Variants in LRRC75A observed in about 807,000 individuals in gnomAD.
The protein encoded by LRRC75A is leucine-rich repeat-containing protein 75A.
In LRRC75A, 12 loss-of-function variants were observed where a neutral mutation model predicts 26.0. That is an observed-to-expected ratio of 0.46 (90% CI 0.30 to 0.75). The LOEUF (loss-of-function observed/expected upper bound fraction) is 0.75. LRRC75A is among the 30% of genes least tolerant of loss of function. The pLI is 0.08. For missense variants in LRRC75A, 410 were observed against 486.6 expected (o/e 0.84, Z 1.48); for synonymous variants, 223 against 219.3 (o/e 1.02, Z -0.15).
chr17:16,453,219 G>A lies in LRRC75A; in HGVS notation c.376-5259C>T, dbSNP rs377558797. Among the ~76,000 whole-genome samples, 34 of 152,220 alleles carry A rather than the reference G, an allele frequency of 2.2e-4. 1 individual carries two copies. The East Asian group carries it at 6.2e-3, about 28-fold the overall frequency. On this transcript the variant is annotated intron_variant, in intron 2 of 3. Transcript: ENST00000470794. ...CAGGAGAATCGCTTGAACCCGGGAG[G>A]TGGAGGTTGCAGTGAGCCGAGATCG...
At chr17:16,483,667 A>G (rs1410083035) in intron 1 of LRRC75A, among the ~76,000 whole-genome samples, 1 of 152,190 alleles carries the variant, frequency 6.6e-6, no homozygotes, top group Non-Finnish European at 1.5e-5. Flanking sequence ...AAAGAAGGGA[A>G]AGGGCTGGGC....
chr17:16,475,851 G>A lies in LRRC75A; in HGVS notation c.247-13465C>T, dbSNP rs549116667. Among the ~76,000 whole-genome samples the A allele has an allele frequency of 3.1e-4, 47 of 152,100 alleles. 1 individual carries two copies. Among genetic ancestry groups the A allele is most frequent in the Admixed American group, 1.3e-3 (20 of 15,276 alleles). On this transcript the variant is annotated intron_variant, in intron 1 of 3. Transcript: ENST00000470794. ...CACCTGAGGTCCAGAGTTTGAGACC[G>A]GCCTGGTCAACATGGTGAAACTCCC... is the stretch of plus-strand genomic sequence containing the variant.
rs1271072993 is a variant in LRRC75A, at chr17:16,442,493, CAGT to C, written c.*1092_*1094del. ...GATCCCTTAACTGGTAGGGCCCTTT[CAGT>C]AGGACAGTATTTGGGTAAGGGGAGG... On this transcript the variant is annotated 3_prime_UTR_variant, in exon 4 of 4. Coordinates refer to ENST00000470794, the MANE Select transcript of LRRC75A (RefSeq NM_001113567.3). 1.3e-5 allele frequency: 2 copies of C among 152,226 alleles called. No homozygotes were observed. Among genetic ancestry groups the C allele is most frequent in the African/African-American group, 4.8e-5 (2 of 41,446 alleles). 9.4% of individuals were successfully genotyped at this position (152,226 alleles called of 1,614,324 possible).
chr17:16,489,981 G>T (rs923364516), intron 1 of LRRC75A, among the ~76,000 whole-genome samples: 9 of 152,188 alleles, frequency 5.9e-5, no homozygotes, highest in African/African-American at 2.2e-4. Flanking sequence ...CCACAGTGGG[G>T]CTGCAGGGGC....
In LRRC75A at chr17:16,462,302, C is replaced by G. The variant is rs749348067; in HGVS notation, c.331G>C (p.Asp111His). Residue 111 changes from aspartate (D) to histidine (H), a missense_variant, in exon 2 of 4, where the codon GAC (aspartate) becomes CAC (histidine). Transcript: ENST00000470794. The surrounding 1 kb of genome is among the most constrained non-coding windows in gnomAD (Gnocchi z 4.6). ...FRNLVDPITHDLIISLARYIH... is the reference protein window; with the variant it reads ...FRNLVDPITHHLIISLARYIH... ...TAGCGTGCCAGGCTGATGATGAGGT[C>G]GTGTGTGATGGGGTCCACCAGGTTC... 1 of 1,613,970 alleles carries G rather than the reference C, an allele frequency of 6.2e-7. No homozygotes were observed. Among genetic ancestry groups the G allele is most frequent in the Admixed American group, 1.7e-5 (1 of 60,004 alleles).
intron 2 of LRRC75A, among the ~76,000 whole-genome samples, chr17:16,455,607 C>T (rs1279293875): frequency 1.3e-5 from 2 of 152,118 alleles, no homozygotes; most frequent in Non-Finnish European, 2.9e-5. Context: ...GGTCTCAAAT[C>T]CTGACCTCAA....
intron 3 of LRRC75A, among the ~76,000 whole-genome samples, chr17:16,446,454 T>C (rs1420539458): frequency 6.6e-6 from 1 of 151,768 alleles, no homozygotes; most frequent in Non-Finnish European, 1.5e-5. Context: ...AAGAGTTTGG[T>C]GAAAGTTCCA....
chr17:16,486,613 C>T lies in LRRC75A; in HGVS notation c.246+5132G>A, dbSNP rs1480203259. Among the ~76,000 whole-genome samples, 5 of 152,326 alleles carry T rather than the reference C, an allele frequency of 3.3e-5. No individual in the cohort carries two copies. In the East Asian group the frequency reaches 9.7e-4, roughly 29 times the overall value. ...TCAGGAATGTGGAGGCCAGACTCTC[C>T]CATCAGGCTCCGCTCCCCTCCCGCC... On this transcript the variant is annotated intron_variant, in intron 1 of 3. Transcript: ENST00000470794.
At chr17:16,448,007 C>A (rs1415043029) in intron 2 of LRRC75A, 47 bp from the exon 3 acceptor site, 1 of 1,468,056 alleles carries the variant, frequency 6.8e-7, no homozygotes, top group Non-Finnish European at 9.3e-7. Context: ...GCTGGGTGCA[C>A]CAGTCTCAGC....
chr17:16,465,828 GGTT>G (rs1206471088), intron 1 of LRRC75A, among the ~76,000 whole-genome samples: 1 of 152,208 alleles, frequency 6.6e-6, no homozygotes, highest in African/African-American at 2.4e-5. Flanking sequence ...GGGTTCATGT[GGTT>G]GTTGCTTAGG....
intron 2 of LRRC75A, among the ~76,000 whole-genome samples, chr17:16,457,769 C>T (rs372225047): frequency 6.6e-6 from 1 of 151,446 alleles, no homozygotes; most frequent in African/African-American, 2.4e-5. Context: ...AGTTTGAGAC[C>T]AGCCTTGGCA....
intron 1 of LRRC75A, among the ~76,000 whole-genome samples, chr17:16,483,005 G>A (rs915813538): frequency 6.6e-6 from 1 of 152,190 alleles, no homozygotes; most frequent in Non-Finnish European, 1.5e-5. Context: ...CCATCCAGAC[G>A]AGCATGGAGA....
chr17:16,485,367 G>T (rs903394654), intron 1 of LRRC75A, among the ~76,000 whole-genome samples: 2 of 152,174 alleles, frequency 1.3e-5, no homozygotes, highest in Non-Finnish European at 2.9e-5. Flanking sequence ...TCATGAATGG[G>T]ATTGGTGCCC....
rs114736622 is a variant in LRRC75A at position 16,489,021 on chromosome 17, C to G, written c.246+2724G>C. Among the ~76,000 whole-genome samples the G allele has an allele frequency of 1.9e-3, 295 of 152,272 alleles. 1 individual carries two copies. Among genetic ancestry groups the G allele is most frequent in the African/African-American group, 6.9e-3 (288 of 41,548 alleles). On this transcript the variant is annotated intron_variant, in intron 1 of 3. Coordinates refer to ENST00000470794, the MANE Select transcript of LRRC75A (RefSeq NM_001113567.3). ...GGAGCAGAGATTCTGAGCTTGGAGTCTGTAGCTGGGTTTCAGGGGCTTTGT... is the reference window on the plus strand; with the variant it reads ...GGAGCAGAGATTCTGAGCTTGGAGTGTGTAGCTGGGTTTCAGGGGCTTTGT...
At chr17:16,450,047 G>T (rs992424204) in intron 2 of LRRC75A, among the ~76,000 whole-genome samples, 1 of 152,208 alleles carries the variant, frequency 6.6e-6, no homozygotes. Context: ...GTGTGTTACT[G>T]ACATGAGGGC....
At chr17:16,485,631 AGTGTGTGT>A (rs35125617) in intron 1 of LRRC75A, among the ~76,000 whole-genome samples, 35 of 128,488 alleles carry the variant, frequency 2.7e-4, no homozygotes, top group South Asian at 7.8e-4. Context: ...CAGGACAAGC[AGTGTGTGT>A]GTGTGTGTGT....
chr17:16,477,332 CAGAGGCAAGGCCAAGG>C (rs758273729), intron 1 of LRRC75A, among the ~76,000 whole-genome samples: 11 of 152,244 alleles, frequency 7.2e-5, no homozygotes, highest in Non-Finnish European at 1.6e-4. Context: ...ATCTCTAGGT[CAGAGGCAAGGCCAAGG>C]CCAAGGCCAG....
At chr17:16,484,959 A>C (rs988032596) in intron 1 of LRRC75A, among the ~76,000 whole-genome samples, 1 of 146,712 alleles carries the variant, frequency 6.8e-6, no homozygotes, top group Non-Finnish European at 1.5e-5. Context: ...GAGCTAATAA[A>C]AGTTAAAAAA....
At chr17:16,465,330 G>C (rs2093759530) in intron 1 of LRRC75A, among the ~76,000 whole-genome samples, 1 of 152,232 alleles carries the variant, frequency 6.6e-6, no homozygotes. Context: ...CTGTAAGTCT[G>C]TGGCAAGAGA....
Sources: allele counts gnomAD v4.1 joint callset (sites outside exome capture counted in the v4.1 genomes callset), GRCh38; gene constraint gnomAD v4.1.1; non-coding constraint Gnocchi (gnomAD v3.1); transcripts MANE v1.5; gene names NCBI Gene and HGNC (gene_info 2026-07-23, HGNC 2026-07-21).